STAB2: variants seen among roughly 807,000 people sequenced by gnomAD.
STAB2 encodes the protein stabilin 2, also known as stabilin-2.
A neutral mutation model predicts 338.1 loss-of-function variants in STAB2; 288 were observed. The ratio of observed to expected loss-of-function variants is 0.85; its 90% CI spans 0.77 to 0.94. STAB2 has a LOEUF of 0.94. Among genes scored for constraint, STAB2 ranks in the 40% least tolerant of loss-of-function variants. The pLI is 0.00. For synonymous variants in STAB2, 1,202 were observed against 1,193.3 expected, an observed-to-expected ratio of 1.01 and a Z score of -0.15; for missense variants, 3,141 against 3,210.1, an observed-to-expected ratio of 0.98 and a Z score of 0.52.
rs1428202908 is a variant in STAB2, at chr12:103,711,454, C to T, written c.4289-17C>T. On this transcript the variant is annotated splice_polypyrimidine_tract_variant and intron_variant, in intron 39 of 68. Transcript: ENST00000388887. ...TTTAGTAAGAGGGCTAAGACAGCAA[C>T]TGGTTCTCTTTTTCAGCAACCACAG... 6.2e-7 allele frequency: 1 copy of T among 1,613,922 alleles called. No homozygotes were observed. The highest frequency in any genetic ancestry group is 1.6e-4 in the Middle Eastern group (1 of 6,084).
At chr12:103,706,716 A>G in intron 37 of STAB2, 76 bp from the exon 38 acceptor site, 1 of 1,579,522 alleles carries the variant, frequency 6.3e-7, no homozygotes, top group Non-Finnish European at 8.6e-7. Flanking sequence ...AGTCACCCAC[A>G]GCAGGATTTC....
chr12:103,676,103 C>T (rs1238084063), intron 24 of STAB2, 82 bp downstream of exon 24: 2 of 1,055,442 alleles, frequency 1.9e-6, no homozygotes, highest in Non-Finnish European at 2.6e-6. Context: ...GCTCTGTCGC[C>T]CAGGCTGGAG....
chr12:103,690,122 C>T, intron 29 of STAB2, 140 bp downstream of exon 29: 2 of 1,245,714 alleles, frequency 1.6e-6, no homozygotes, highest in East Asian at 2.5e-5. Context: ...TTTCCTCCCA[C>T]CCCAGGATAG....
chr12:103,639,502 A>T, intron 8 of STAB2, among the ~76,000 whole-genome samples: 1 of 152,088 alleles, frequency 6.6e-6, no homozygotes, highest in East Asian at 1.9e-4. Context: ...CAGGAGTTCA[A>T]GACCAACCTG....
intron 46 of STAB2, 83 bp downstream of exon 46, chr12:103,726,246 T>C: frequency 6.7e-7 from 1 of 1,482,332 alleles, no homozygotes; most frequent in South Asian, 1.2e-5. Flanking sequence ...TCCAACACTT[T>C]GGGAGGCCAA....
chr12:103,649,925 A>G (rs1375198681), intron 10 of STAB2, among the ~76,000 whole-genome samples: 1 of 152,094 alleles, frequency 6.6e-6, no homozygotes, highest in African/African-American at 2.4e-5. Flanking sequence ...GTCCTTATAC[A>G]CTGCCTCTGG....
At chr12:103,667,535 G>C (rs1206411514) in intron 19 of STAB2, among the ~76,000 whole-genome samples, 1 of 152,142 alleles carries the variant, frequency 6.6e-6, no homozygotes, top group Non-Finnish European at 1.5e-5. Flanking sequence ...CCCAGGGAAA[G>C]AGAAGGAAGA....
chr12:103,706,755 T>TA, intron 37 of STAB2, 37 bp from the exon 38 acceptor site: 1 of 1,613,242 alleles, frequency 6.2e-7, no homozygotes, highest in Non-Finnish European at 8.5e-7. Context: ...CACCAGAGGA[T>TA]AGAAGTGCGT....
intron 45 of STAB2, 74 bp downstream of exon 45, chr12:103,725,168 T>C (rs964070293): frequency 6.4e-7 from 1 of 1,561,372 alleles, no homozygotes; most frequent in Non-Finnish European, 8.7e-7. Context: ...AGCTAAGGAG[T>C]ATTTAAGAGC....
intron 31 of STAB2, among the ~76,000 whole-genome samples, chr12:103,693,548 T>C (rs1878137785): frequency 6.6e-6 from 1 of 152,170 alleles, no homozygotes; most frequent in Admixed American, 6.5e-5. Flanking sequence ...TTACATATCA[T>C]TTTTCCACTC....
chr12:103,699,243 G>T lies in STAB2; in HGVS notation c.3714+16G>T. On this transcript the variant is annotated intron_variant, in intron 34 of 68. Coordinates refer to ENST00000388887, the MANE Select transcript of STAB2 (RefSeq NM_017564.10). The stretch of plus-strand genomic sequence containing the variant: ...TAATGACCAGGTACGATCCTTTTAT[G>T]TAAAACCCCAGCAATGCCACCGAGA... 1.3e-6 allele frequency: 2 copies of T among 1,593,060 alleles called. No homozygotes were observed. Among genetic ancestry groups the T allele is most frequent in the Non-Finnish European group, 8.6e-7 (1 of 1,165,930 alleles).
At chr12:103,756,033 T>C (rs1207038539) in intron 63 of STAB2, among the ~76,000 whole-genome samples, 7 of 152,114 alleles carry the variant, frequency 4.6e-5, no homozygotes, top group Non-Finnish European at 1.0e-4. Flanking sequence ...ACATGGAAAA[T>C]TCTATGTTCT....
chr12:103,765,972 G>A (rs1410996059), intron 68 of STAB2: 1 of 464,732 alleles, frequency 2.2e-6, no homozygotes, highest in Non-Finnish European at 4.1e-6. Flanking sequence ...CTTGCTAAAT[G>A]TAGGCTCTAA....
rs537416481 is a variant in STAB2 at position 103,622,617 on chromosome 12, AT to A, written c.487+507del. ...GGAAGTACAGAGTCCTTATCAAGTC[AT>A]GATTAGTTCACTTTAACATGTGTAA... On this transcript the variant is annotated intron_variant, in intron 5 of 68. Transcript: ENST00000388887. Among the ~76,000 whole-genome samples, 4 of 152,380 alleles carry A rather than the reference AT, an allele frequency of 2.6e-5. No individual in the cohort carries two copies. The East Asian group carries it at 7.7e-4, about 29-fold the overall frequency.
At chr12:103,624,831 G>A (rs764208097) in intron 5 of STAB2, among the ~76,000 whole-genome samples, 4 of 151,492 alleles carry the variant, frequency 2.6e-5, no homozygotes, top group Non-Finnish European at 4.4e-5. Context: ...CCAGCTACTT[G>A]GGAGGCTGAG....
At chr12:103,752,359 G>T (rs545508718) in intron 60 of STAB2, among the ~76,000 whole-genome samples, 2 of 152,148 alleles carry the variant, frequency 1.3e-5, no homozygotes, top group African/African-American at 2.4e-5. Context: ...TTTGACTTAC[G>T]CACTGTGCTA....
intron 60 of STAB2, among the ~76,000 whole-genome samples, chr12:103,750,949 G>A (rs568494182): frequency 6.6e-5 from 10 of 152,286 alleles, no homozygotes; most frequent in South Asian, 2.1e-4. Context: ...AAAATCAGCC[G>A]GTTGTGGCAG....
At chr12:103,711,822 C>A (rs1879889465) in intron 40 of STAB2, among the ~76,000 whole-genome samples, 1 of 152,208 alleles carries the variant, frequency 6.6e-6, no homozygotes, top group Admixed American at 6.5e-5. Context: ...TTTCCATAAA[C>A]CTTGTTCCTG....
At chr12:103,672,547 G>A (rs1055868234) in intron 22 of STAB2, among the ~76,000 whole-genome samples, 2 of 152,222 alleles carry the variant, frequency 1.3e-5, no homozygotes, top group Admixed American at 1.3e-4. Flanking sequence ...TTCCAGGCCC[G>A]CTCACTTGTG....
Sources: allele counts gnomAD v4.1 joint callset (sites outside exome capture counted in the v4.1 genomes callset), GRCh38; gene constraint gnomAD v4.1.1; transcripts MANE v1.5; gene names NCBI Gene and HGNC (gene_info 2026-07-23, HGNC 2026-07-21).